The following LRP1B variants were observed in gnomAD, a reference collection of about 807,000 sequenced individuals.
LRP1B encodes the protein LDL receptor related protein 1B.
LRP1B carries 217 observed loss-of-function variants against 556.6 expected under a neutral mutation model. The observed-to-expected ratio is 0.39, with a 90% CI of 0.35 to 0.44. The LOEUF (loss-of-function observed/expected upper bound fraction) is 0.44, where lower values mean the gene tolerates loss of function less well. Among genes scored for constraint, LRP1B ranks in the 20% least tolerant of loss-of-function variants. LRP1B has a pLI of 1.00. For missense variants in LRP1B, 5,053 were observed against 5,620.8 expected (o/e 0.90, Z 3.23); for synonymous variants, 2,047 against 1,865.8 (o/e 1.10, Z -2.50).
chr2:141,397,534 T>C (rs1428008784), intron 3 of LRP1B, among the ~76,000 whole-genome samples: 2 of 151,950 alleles, frequency 1.3e-5, no homozygotes, highest in African/African-American at 2.4e-5. Context: ...AATATTGGAA[T>C]AACGCATTAA....
intron 1 of LRP1B, among the ~76,000 whole-genome samples, chr2:141,926,249 T>C (rs1283308819): frequency 3.3e-5 from 5 of 152,204 alleles, no homozygotes; most frequent in Admixed American, 2.6e-4. Context: ...TAGATATCTA[T>C]AGCTTCCAAG....
chr2:141,329,247 G>T (rs572265845), intron 3 of LRP1B, among the ~76,000 whole-genome samples: 1 of 151,608 alleles, frequency 6.6e-6, no homozygotes, highest in Non-Finnish European at 1.5e-5. Context: ...AATTAGCTGG[G>T]TATGGTGGCA....
At chr2:140,441,454 T>A (rs1191388315) in intron 66 of LRP1B, among the ~76,000 whole-genome samples, 10 of 152,316 alleles carry the variant, frequency 6.6e-5, no homozygotes. Context: ...TTTATGATAC[T>A]GTGGTAAGCT....
intron 1 of LRP1B, among the ~76,000 whole-genome samples, chr2:141,952,683 C>A (rs985721111): frequency 1.3e-5 from 2 of 152,058 alleles, no homozygotes; most frequent in Non-Finnish European, 2.9e-5. Context: ...AGTAGAGAAT[C>A]CCAAATTGCA....
At chr2:141,798,159 C>CA (rs1695883497) in intron 2 of LRP1B, among the ~76,000 whole-genome samples, 1 of 151,730 alleles carries the variant, frequency 6.6e-6, no homozygotes, top group African/African-American at 2.4e-5. Context: ...AATGGTTTGG[C>CA]AAAAAACATG....
At chr2:141,547,220 T>G (rs1421770535) in intron 2 of LRP1B, among the ~76,000 whole-genome samples, 4 of 152,122 alleles carry the variant, frequency 2.6e-5, no homozygotes, top group African/African-American at 7.2e-5. Context: ...CAGAGACATA[T>G]AAATGCATTC....
At chr2:141,309,835 C>G (rs1328094256) in intron 3 of LRP1B, among the ~76,000 whole-genome samples, 1 of 151,828 alleles carries the variant, frequency 6.6e-6, no homozygotes, top group Non-Finnish European at 1.5e-5. Context: ...CACCCCACCC[C>G]ACTTTTTTTT....
chr2:140,451,560 G>T (rs1558891743), intron 62 of LRP1B, among the ~76,000 whole-genome samples: 1 of 152,106 alleles, frequency 6.6e-6, no homozygotes, highest in Non-Finnish European at 1.5e-5. Flanking sequence ...GCTCTGTCAT[G>T]CTGTGATTCC....
At chr2:140,772,261 T>A (rs1330064348) in intron 33 of LRP1B, among the ~76,000 whole-genome samples, 1 of 151,292 alleles carries the variant, frequency 6.6e-6, no homozygotes, top group East Asian at 1.9e-4. Flanking sequence ...ATTTATCAAA[T>A]AATGAAACAA....
intron 84 of LRP1B, among the ~76,000 whole-genome samples, chr2:140,281,339 T>G (rs903067914): frequency 1.3e-5 from 2 of 151,936 alleles, no homozygotes; most frequent in Non-Finnish European, 2.9e-5. Context: ...CCAAAACTAT[T>G]TAGCTATTTA....
chr2:141,335,218 A>G (rs948859668), intron 3 of LRP1B, among the ~76,000 whole-genome samples: 1 of 152,230 alleles, frequency 6.6e-6, no homozygotes, highest in Non-Finnish European at 1.5e-5. Flanking sequence ...AGCACAGTAC[A>G]AGATGATAAA....
At chr2:140,249,638 A>T (rs1681319219) in intron 86 of LRP1B, among the ~76,000 whole-genome samples, 1 of 151,826 alleles carries the variant, frequency 6.6e-6, no homozygotes, top group Admixed American at 6.6e-5. Flanking sequence ...CTTATAAAAT[A>T]ATGTTTTATG....
rs375736253 is a variant in LRP1B at position 141,875,828 on chromosome 2, T to A, written c.83-65427A>T. Among the ~76,000 whole-genome samples the A allele has an allele frequency of 3.2e-4, 49 of 152,120 alleles. 3 individuals carry two copies. In the South Asian group the frequency reaches 8.3e-3, roughly 26 times the overall value. On this transcript the variant is annotated intron_variant, in intron 1 of 90. Transcript: ENST00000389484. ...TCTCTAATATGTATATGTGTATGTA[T>A]GCGTATGTGTAGCGAGGGTAATATA... is the stretch of plus-strand genomic sequence containing the variant.
At chr2:141,264,308 C>T (rs960514039) in intron 3 of LRP1B, among the ~76,000 whole-genome samples, 2 of 152,006 alleles carry the variant, frequency 1.3e-5, no homozygotes, top group African/African-American at 4.8e-5. Flanking sequence ...TTTCATTTTG[C>T]ATGTTAATAT....
intron 2 of LRP1B, among the ~76,000 whole-genome samples, chr2:141,708,602 G>A (rs1373600011): frequency 6.6e-6 from 1 of 152,050 alleles, no homozygotes; most frequent in African/African-American, 2.4e-5. Flanking sequence ...ATTCTATACT[G>A]CTTTTTCTAA....
At chr2:141,259,480 A>T (rs995660947) in intron 3 of LRP1B, among the ~76,000 whole-genome samples, 6 of 152,124 alleles carry the variant, frequency 3.9e-5, no homozygotes, top group Non-Finnish European at 8.8e-5. Flanking sequence ...GGTGTGTGCC[A>T]CTCCTTGACC....
chr2:141,114,766 T>C (rs1476922859), intron 7 of LRP1B, among the ~76,000 whole-genome samples: 1 of 152,174 alleles, frequency 6.6e-6, no homozygotes, highest in African/African-American at 2.4e-5. Flanking sequence ...ACCCAGCATT[T>C]CCCTGCCTCC....
At chr2:141,246,782 T>A (rs1465675350) in intron 5 of LRP1B, among the ~76,000 whole-genome samples, 6 of 152,110 alleles carry the variant, frequency 3.9e-5, no homozygotes, top group African/African-American at 1.4e-4. Flanking sequence ...CTGGCCAACA[T>A]GGTGAGACCC....
rs547068463 is a variant in LRP1B at position 141,416,913 on chromosome 2, G to A, written c.343+63483C>T. 2.0e-5 allele frequency among the ~76,000 whole-genome samples: 3 copies of A among 152,214 alleles called. No individual in the cohort carries two copies. The East Asian group carries it at 5.8e-4, about 29-fold the overall frequency. ...CTTTCAAATTGAAATTCTCTGTAGA[G>A]GGAGAATTTGGAAAGATTCCACTGG... On this transcript the variant is annotated intron_variant, in intron 3 of 90. Coordinates refer to ENST00000389484, the MANE Select transcript of LRP1B (RefSeq NM_018557.3).
Sources: gnomAD v4.1 joint callset for allele counts (sites outside exome capture counted in the v4.1 genomes callset) on GRCh38, gnomAD v4.1.1 for gene constraint, MANE v1.5 for transcripts, NCBI Gene and HGNC (gene_info 2026-07-23, HGNC 2026-07-21) for gene names.